Variants in MPZL2 observed in about 807,000 individuals in gnomAD.
The protein encoded by MPZL2 is myelin protein zero like 2.
A neutral mutation model predicts 24.5 loss-of-function variants in MPZL2; 32 were observed. That is an observed-to-expected ratio of 1.31 (90% confidence interval 0.99 to 1.76). The LOEUF is 1.76. Ranked by LOEUF, MPZL2 falls within the 40% of genes most tolerant of loss-of-function variation. The pLI is 0.00. For synonymous variants in MPZL2, 92 were observed against 97.9 expected, an observed-to-expected ratio of 0.94 and a Z score of 0.36; for missense variants, 304 against 274.9, an observed-to-expected ratio of 1.11 and a Z score of -0.75.
intron 3 of MPZL2, among the ~76,000 whole-genome samples, chr11:118,261,952 T>C (rs1455534542): frequency 6.6e-6 from 1 of 152,174 alleles, no homozygotes; most frequent in Non-Finnish European, 1.5e-5. Context: ...ATAAAATGTG[T>C]CATGTAAAGC....
chr11:118,260,093 C>T lies in MPZL2; in HGVS notation c.545G>A (p.Arg182Gln), dbSNP rs199773564. 1.5e-4 allele frequency: 244 copies of T among 1,613,974 alleles called. 1 individual carries two copies. The highest frequency in any genetic ancestry group is 3.3e-4 in the Middle Eastern group (2 of 6,084). The change falls in exon 4 of 6, where the codon CGA becomes CAA. Residue 182 changes from arginine (R) to glutamine (Q), a missense_variant. Arg to Gln is a conservative substitution (Grantham distance 43). Coordinates refer to ENST00000278937, the MANE Select transcript of MPZL2 (RefSeq NM_005797.4). Reference sequence around the variant, plus strand: ...CACTTTATGAGCTCTTTCGGCCCATCGCTTTTTCCGGTAATGCTGGAAGAG... The same window carrying T: ...CACTTTATGAGCTCTTTCGGCCCATTGCTTTTTCCGGTAATGCTGGAAGAG... The part of the protein sequence containing the change: ...VVLFQHYRKK[R>Q]WAERAHKVVE...
intron 3 of MPZL2, among the ~76,000 whole-genome samples, 169 bp downstream of exon 3, chr11:118,262,269 A>T (rs1949705064): frequency 1.3e-5 from 2 of 151,950 alleles, no homozygotes; most frequent in South Asian, 4.2e-4. Flanking sequence ...TTCTCTTTTT[A>T]CCCCAGAACT....
At position 118,262,965 on chromosome 11, in the gene MPZL2, T is replaced by C. The variant is rs1355127624; in HGVS notation, c.191A>G (p.Asn64Ser). ...AGGTCCCCCGTCTAGAGGACGAAAA[T>C]TCCAGGTCACTGTTAGAGCATCACC... ...PVGDALTVTW[N>S]FRPLDGGPEQ... The change falls in exon 2 of 6, where the codon AAT (asparagine) becomes AGT (serine). Residue 64 changes from asparagine (N) to serine (S), a missense_variant. Transcript: ENST00000278937. The C allele has an allele frequency of 5.0e-6, 8 of 1,614,014 alleles. No homozygotes were observed. The highest frequency in any genetic ancestry group is 6.8e-6 in the Non-Finnish European group (8 of 1,180,018).
rs2134726609 is a variant in MPZL2, at chr11:118,254,674, GAA to G, written c.*570_*571del. The stretch of plus-strand genomic sequence containing the variant: ...AAATCTATCACCTGGAATATTGAAA[GAA>G]ATTCAGTAAAACAAGATGTGTCTCA... On this transcript the variant is annotated 3_prime_UTR_variant, in exon 6 of 6. Transcript: ENST00000278937. 1.3e-5 allele frequency: 2 copies of G among 152,292 alleles called. No individual in the cohort carries two copies. Among genetic ancestry groups the G allele is most frequent in the Non-Finnish European group, 2.9e-5 (2 of 68,016 alleles). The allele number at this position is 152,292 out of a possible 1,614,324, so 9.4% of individuals were successfully genotyped here.
At position 118,262,491 on chromosome 11, in the gene MPZL2, G is replaced by A; in HGVS notation, c.383C>T (p.Pro128Leu). 1 of 1,614,132 alleles carries A rather than the reference G, an allele frequency of 6.2e-7. No individual in the cohort carries two copies. Among genetic ancestry groups the A allele is most frequent in the South Asian group, 1.1e-5 (1 of 91,086 alleles). The change falls in exon 3 of 6, where the codon CCA becomes CTA. Residue 128 changes from proline to leucine, a missense_variant. Physicochemically the swap from Pro to Leu is moderately conservative, Grantham distance 98. Transcript: ENST00000278937. ...NGTYTCQVKNPPDVDGVIGEI... is the reference protein window; with the variant it reads ...NGTYTCQVKNLPDVDGVIGEI... ...CCCTATCACCCCATCAACATCAGGTGGGTTCTTCACCTGGCAGGTGTATGT... is the reference window on the plus strand; with the variant it reads ...CCCTATCACCCCATCAACATCAGGTAGGTTCTTCACCTGGCAGGTGTATGT...
chr11:118,256,411 T>C (rs536807473), intron 5 of MPZL2, among the ~76,000 whole-genome samples: 3 of 152,146 alleles, frequency 2.0e-5, no homozygotes, highest in Non-Finnish European at 4.4e-5. Context: ...CCCAACACTT[T>C]GGGAGGCTGA....
chr11:118,255,364 C>G (rs1173693215), intron 5 of MPZL2, 131 bp from the exon 6 acceptor site: 1 of 152,008 alleles, frequency 6.6e-6, no homozygotes, highest in East Asian at 1.9e-4. Flanking sequence ...ATATTCTCCC[C>G]CAATTTAATT....
rs1290875932 is a variant in MPZL2, at chr11:118,254,304, G to C, written c.*942C>G. On this transcript the variant is annotated 3_prime_UTR_variant, in exon 6 of 6. Coordinates refer to ENST00000278937, the MANE Select transcript of MPZL2 (RefSeq NM_005797.4). ...AACTGTACAAAATTATCATCATTTA[G>C]AGTTGATTTTTTTCACCAGCCCTGA... 6.6e-6 allele frequency: 1 copy of C among 152,182 alleles called. No individual in the cohort carries two copies. Among genetic ancestry groups the C allele is most frequent in the Non-Finnish European group, 1.5e-5 (1 of 68,026 alleles). The allele number at this position is 152,182 out of a possible 1,614,324, so 9.4% of individuals were successfully genotyped here. A position where few individuals can be genotyped will look rare whatever the true frequency, so the allele number is the denominator to read the frequency against.
At position 118,253,773 on chromosome 11, in the gene MPZL2, A is replaced by T. The variant is rs998504645; in HGVS notation, c.*1473T>A. ...TACAGTTTTAAAATTGCACTTTAAA[A>T]CTTTGCTTTTTTAGACAGTATAAAA... On this transcript the variant is annotated 3_prime_UTR_variant, in exon 6 of 6. Transcript: ENST00000278937. 3.3e-5 allele frequency: 5 copies of T among 152,518 alleles called. No homozygotes were observed. Among genetic ancestry groups the T allele is most frequent in the Admixed American group, 1.3e-4 (2 of 15,284 alleles). The allele number at this position is 152,518 out of a possible 1,614,324, so 9.4% of individuals were successfully genotyped here.
rs1949648745 is a variant in MPZL2 at position 118,254,248 on chromosome 11, A to C, written c.*998T>G. 1 of 152,230 alleles carries C rather than the reference A, an allele frequency of 6.6e-6. No homozygotes were observed. The highest frequency in any genetic ancestry group is 2.4e-5 in the African/African-American group (1 of 41,460). 9.4% of individuals were successfully genotyped at this position (152,230 alleles called of 1,614,324 possible). ...GAATTAAAAAAGAAAAAAAGTTAAT[A>C]ATTTCTTCTAGTTCTCAGAGTTTTA... On this transcript the variant is annotated 3_prime_UTR_variant, in exon 6 of 6. Coordinates refer to ENST00000278937, the MANE Select transcript of MPZL2 (RefSeq NM_005797.4).
At chr11:118,257,500 C>T (rs767965680) in intron 4 of MPZL2, 187 bp from the exon 5 acceptor site, 128 of 462,124 alleles carry the variant, frequency 2.8e-4, no homozygotes, top group Non-Finnish European at 2.0e-4. Context: ...CACCTCTGAA[C>T]TTAGAGACTT....
intron 1 of MPZL2, 158 bp from the exon 2 acceptor site, chr11:118,263,255 T>C (rs1949716325): frequency 1.4e-6 from 1 of 715,896 alleles, no homozygotes; most frequent in East Asian, 2.7e-5. Flanking sequence ...ATCTACATAC[T>C]CCTACCTGTA....
At position 118,255,646 on chromosome 11, in the gene MPZL2, T is replaced by A. The variant is rs73598007; in HGVS notation, c.*13-413A>T. On this transcript the variant is annotated intron_variant, in intron 5 of 5. Coordinates refer to ENST00000278937, the MANE Select transcript of MPZL2 (RefSeq NM_005797.4). ...CCCCTCATCTCCCCCATCACCTAAT[T>A]CTGAAGCCTTTTTTGTTTTATTTGC... is the stretch of plus-strand genomic sequence containing the variant. Among the ~76,000 whole-genome samples the A allele has an allele frequency of 3.7e-3, 541 of 146,238 alleles. 5 individuals are homozygous for A. Among genetic ancestry groups the A allele is most frequent in the African/African-American group, 0.013 (504 of 38,782 alleles).
Position 118,263,048 on chromosome 11 carries a change from C to G in MPZL2, c.108G>C (p.Glu36Asp), listed in dbSNP as rs778153324. ...ACCGAGCATCTGTCCCATTAACAGC[C>G]TCCAGCACCCGGGAGGTATAAATTT... ...AVEIYTSRVL[E>D]AVNGTDARLK... is the part of the protein sequence containing the mutation. Residue 36 changes from glutamate (E) to aspartate (D), a missense_variant, in exon 2 of 6, where the codon GAG becomes GAC. Transcript: ENST00000278937. 7 of 1,614,176 alleles carry G rather than the reference C, an allele frequency of 4.3e-6. No individual in the cohort carries two copies. The highest frequency in any genetic ancestry group is 5.9e-6 in the Non-Finnish European group (7 of 1,180,012).
Position 118,254,560 on chromosome 11 carries a change from A to G in MPZL2, c.*686T>C, listed in dbSNP as rs1033870080. The G allele has an allele frequency of 6.6e-5, 10 of 152,242 alleles. No homozygotes were observed. Among genetic ancestry groups the G allele is most frequent in the African/African-American group, 2.4e-4 (10 of 41,466 alleles). The allele number at this position is 152,242 out of a possible 1,614,324, so 9.4% of individuals were successfully genotyped here. Reference sequence around the variant, plus strand: ...ATTCATCCTGCAATGGCCTCTGCCAATCTTTTCATATCTATGTAACCTTTT... The same window carrying G: ...ATTCATCCTGCAATGGCCTCTGCCAGTCTTTTCATATCTATGTAACCTTTT... On this transcript the variant is annotated 3_prime_UTR_variant, in exon 6 of 6. Transcript: ENST00000278937.
intron 4 of MPZL2, 180 bp downstream of exon 4, chr11:118,259,873 TA>T: frequency 1.6e-6 from 1 of 644,284 alleles, no homozygotes; most frequent in Admixed American, 3.1e-5. Flanking sequence ...TTTGTAAAAT[TA>T]AGAAAGCTTT....
chr11:118,257,548 G>A (rs112082919), intron 4 of MPZL2: 236 of 373,554 alleles, frequency 6.3e-4, no homozygotes, highest in African/African-American at 4.2e-3. Context: ...GTTCTGATTC[G>A]GGAACTCCAG....
intron 5 of MPZL2, among the ~76,000 whole-genome samples, chr11:118,256,725 T>C (rs1456859275): frequency 6.6e-6 from 1 of 152,186 alleles, no homozygotes; most frequent in African/African-American, 2.4e-5. Context: ...AATAAAATTA[T>C]ACGCTACTAA....
rs764638589 is a variant in MPZL2 at position 118,264,183 on chromosome 11, C to A, written c.-30G>T. The A allele has an allele frequency of 6.2e-7, 1 of 1,611,278 alleles. No homozygotes were observed. Among genetic ancestry groups the A allele is most frequent in the African/African-American group, 1.3e-5 (1 of 74,962 alleles). ...GAAACCCAGCCTTGGCCCCAGAGACCGGACGGGGCAGACCGAGGGCTCCAA... is the reference window on the plus strand; with the variant it reads ...GAAACCCAGCCTTGGCCCCAGAGACAGGACGGGGCAGACCGAGGGCTCCAA... On this transcript the variant is annotated 5_prime_UTR_variant, in exon 1 of 6. Transcript: ENST00000278937.
Sources: allele counts gnomAD v4.1 joint callset (sites outside exome capture counted in the v4.1 genomes callset), GRCh38; gene constraint gnomAD v4.1.1; transcripts MANE v1.5; gene names NCBI Gene and HGNC (gene_info 2026-07-23, HGNC 2026-07-21).